CNTN6: variants seen among roughly 807,000 people sequenced by gnomAD.
CNTN6 encodes the protein contactin 6.
Under a neutral mutation model 122.8 loss-of-function variants are expected in CNTN6, and 137 were observed. The ratio of observed to expected loss-of-function variants is 1.12; its 90% CI spans 0.97 to 1.29. The LOEUF is 1.29. Ranked by LOEUF, CNTN6 falls within the 50% of genes most tolerant of loss-of-function variation. The pLI, the probability that CNTN6 is intolerant of heterozygous loss-of-function variation, is 0.00. For missense variants in CNTN6, 1,634 were observed against 1,223.4 expected, an observed-to-expected ratio of 1.34 and a Z score of -5.01; for synonymous variants, 570 against 426.0, an observed-to-expected ratio of 1.34 and a Z score of -4.16.
Position 1,383,107 on chromosome 3 carries a change from G to A in CNTN6, c.2332G>A (p.Val778Met), listed in dbSNP as rs1229456683. 6.2e-7 allele frequency: 1 copy of A among 1,614,104 alleles called. No individual in the cohort carries two copies. The highest frequency in any genetic ancestry group is 1.3e-5 in the African/African-American group (1 of 75,054). ...IIPLSPFEVK[V>M]GVYNNEGEGS... ...CCCACTGTCTCCCTTTGAAGTCAAA[G>A]TGGGTGTGTATAATAATGAAGGAGA... Residue 778 changes from valine (V) to methionine (M), a missense_variant, in exon 18 of 23, where the codon GTG becomes ATG. Physicochemically the swap from Val to Met is conservative, Grantham distance 21. Transcript: ENST00000446702.
At chr3:1,137,229 G>T (rs558215973) in intron 1 of CNTN6, among the ~76,000 whole-genome samples, 2 of 152,202 alleles carry the variant, frequency 1.3e-5, no homozygotes, top group East Asian at 1.9e-4. Flanking sequence ...ACAATAGGGG[G>T]TGTCCCCCAA....
chr3:1,385,765 G>T lies in CNTN6; in HGVS notation c.2672G>T (p.Ser891Ile), dbSNP rs750155707. Residue 891 changes from serine to isoleucine, a missense_variant, in exon 20 of 23, where the codon AGC becomes ATC. Physicochemically the swap from Ser to Ile is moderately radical, Grantham distance 142. Coordinates refer to ENST00000446702, the MANE Select transcript of CNTN6 (RefSeq NM_001289080.2). Reference sequence around the variant, plus strand: ...AACACTGCTGGGACAGGGCCCTCAAGCCCCCCAGTCAATGTTACCACCAAA... The same window carrying T: ...AACACTGCTGGGACAGGGCCCTCAATCCCCCCAGTCAATGTTACCACCAAA... Reference protein sequence around the residue: ...AYNTAGTGPSSPPVNVTTKKS... With the variant: ...AYNTAGTGPSIPPVNVTTKKS... 2.5e-6 allele frequency: 4 copies of T among 1,612,382 alleles called. No homozygotes were observed. In the Admixed American group the frequency reaches 5.0e-5, roughly 20 times the overall value.
chr3:1,238,517 G>A (rs2094447373), intron 4 of CNTN6, among the ~76,000 whole-genome samples: 1 of 152,100 alleles, frequency 6.6e-6, no homozygotes, highest in African/African-American at 2.4e-5. Flanking sequence ...TCCACTGACA[G>A]CACTAGACAA....
chr3:1,336,193 C>T (rs1403139002), intron 11 of CNTN6, among the ~76,000 whole-genome samples: 1 of 151,678 alleles, frequency 6.6e-6, no homozygotes, highest in Non-Finnish European at 1.5e-5. Flanking sequence ...AAATAAAATA[C>T]AGCTAAATGT....
intron 2 of CNTN6, among the ~76,000 whole-genome samples, chr3:1,173,970 TG>T (rs146359810): frequency 0.014 from 2,070 of 152,234 alleles, 54 homozygotes; most frequent in African/African-American, 0.047. Context: ...TCTGATGCAG[TG>T]GGTATTACTG....
intron 2 of CNTN6, among the ~76,000 whole-genome samples, chr3:1,172,605 G>A (rs2093376495): frequency 6.7e-6 from 1 of 149,726 alleles, no homozygotes; most frequent in Non-Finnish European, 1.5e-5. Context: ...AGTGAAGACA[G>A]TCTGCAATAA....
At chr3:1,333,963 A>G (rs186970873) in intron 11 of CNTN6, among the ~76,000 whole-genome samples, 412 of 152,248 alleles carry the variant, frequency 2.7e-3, no homozygotes, top group Non-Finnish European at 4.8e-3. Flanking sequence ...TGATGTGTTG[A>G]TAATTCAGAT....
chr3:1,278,651 T>C (rs1692847468), intron 5 of CNTN6, 143 bp downstream of exon 5: 2 of 513,256 alleles, frequency 3.9e-6, no homozygotes, highest in Admixed American at 3.5e-5. Context: ...TGCATACAAA[T>C]AGTTCTATAT....
At chr3:1,203,530 T>C (rs1396674416) in intron 2 of CNTN6, among the ~76,000 whole-genome samples, 1 of 152,194 alleles carries the variant, frequency 6.6e-6, no homozygotes, top group African/African-American at 2.4e-5. Context: ...CCATGGATGA[T>C]ACACATGAAA....
chr3:1,167,562 C>A (rs1575095462), intron 2 of CNTN6, among the ~76,000 whole-genome samples: 1 of 150,246 alleles, frequency 6.7e-6, no homozygotes, highest in African/African-American at 2.5e-5. Flanking sequence ...TTCCTATGCA[C>A]TTTTACACTC....
intron 1 of CNTN6, among the ~76,000 whole-genome samples, chr3:1,101,465 A>G (rs1376664438): frequency 6.6e-6 from 1 of 152,186 alleles, no homozygotes; most frequent in Non-Finnish European, 1.5e-5. Context: ...GGTGCCGTGT[A>G]CTTCCCTATA....
intron 7 of CNTN6, among the ~76,000 whole-genome samples, chr3:1,313,688 T>C (rs1237244017): frequency 1.3e-5 from 2 of 152,106 alleles, no homozygotes; most frequent in Admixed American, 6.6e-5. Flanking sequence ...AAAGCTGATA[T>C]AGGCATCATC....
At chr3:1,396,351 A>G (rs1176866929) in intron 20 of CNTN6, among the ~76,000 whole-genome samples, 1 of 151,956 alleles carries the variant, frequency 6.6e-6, no homozygotes, top group Non-Finnish European at 1.5e-5. Context: ...CCTTTAATGT[A>G]TTTGCGTTTT....
intron 1 of CNTN6, among the ~76,000 whole-genome samples, chr3:1,136,153 T>A (rs917086343): frequency 6.6e-6 from 1 of 152,174 alleles, no homozygotes; most frequent in African/African-American, 2.4e-5. Flanking sequence ...TTTAGAGAGC[T>A]CTATTACATC....
chr3:1,233,471 C>G (rs769276017), intron 4 of CNTN6, among the ~76,000 whole-genome samples: 1 of 152,064 alleles, frequency 6.6e-6, no homozygotes, highest in Non-Finnish European at 1.5e-5. Flanking sequence ...CGCGGTGGCT[C>G]ACGCCTGTAA....
At chr3:1,338,998 G>C (rs1703498255) in intron 11 of CNTN6, among the ~76,000 whole-genome samples, 1 of 151,750 alleles carries the variant, frequency 6.6e-6, no homozygotes, top group Admixed American at 6.6e-5. Context: ...ATAAAAGCTG[G>C]AGTAATAGTA....
intron 20 of CNTN6, among the ~76,000 whole-genome samples, chr3:1,390,878 G>T (rs1253486258): frequency 1.3e-5 from 2 of 150,814 alleles, no homozygotes; most frequent in Non-Finnish European, 2.9e-5. Flanking sequence ...TCTCTGAATA[G>T]ACCAATAACA....
intron 20 of CNTN6, among the ~76,000 whole-genome samples, chr3:1,391,712 G>A (rs1357336186): frequency 6.7e-6 from 1 of 149,926 alleles, no homozygotes; most frequent in Non-Finnish European, 1.5e-5. Flanking sequence ...CAAAGTCTCA[G>A]GATACAAAAT....
intron 1 of CNTN6, among the ~76,000 whole-genome samples, chr3:1,108,380 G>T (rs961271407): frequency 2.6e-5 from 4 of 151,916 alleles, no homozygotes; most frequent in Admixed American, 6.6e-5. Context: ...CATATAACCT[G>T]AATGCATTTC....
Sources: allele counts gnomAD v4.1 joint callset (sites outside exome capture counted in the v4.1 genomes callset), GRCh38; gene constraint gnomAD v4.1.1; transcripts MANE v1.5; gene names NCBI Gene and HGNC (gene_info 2026-07-23, HGNC 2026-07-21).